Variants in THNSL1 observed in about 807,000 individuals in gnomAD.
The protein encoded by THNSL1 is threonine synthase like 1.
THNSL1 carries 48 observed loss-of-function variants against 50.4 expected under a neutral mutation model. That is an observed-to-expected ratio of 0.95 (90% confidence interval 0.76 to 1.21). The LOEUF (loss-of-function observed/expected upper bound fraction) is 1.21. Among genes scored for constraint, THNSL1 ranks in the 50% most tolerant of loss-of-function variants. THNSL1 has a pLI of 0.00. For missense variants in THNSL1, 896 were observed against 871.7 expected (o/e 1.03, Z -0.35); for synonymous variants, 309 against 306.1 (o/e 1.01, Z -0.10).
chr10:24,955,575 AC>A, the THNSL1 span, among the ~76,000 whole-genome samples: 1,087 of 152,302 alleles, frequency 7.1e-3, 16 homozygotes, highest in African/African-American at 0.025. Flanking sequence ...GATATTATTA[AC>A]CTGACATGCT....
intron 1 of THNSL1, among the ~76,000 whole-genome samples, chr10:25,018,840 G>T (rs557532212): frequency 2.0e-5 from 3 of 152,208 alleles, no homozygotes; most frequent in African/African-American, 7.2e-5. Context: ...ATTCGAGATC[G>T]TTAAGAATAT....
At chr10:24,981,097 A>C in the THNSL1 span, among the ~76,000 whole-genome samples, 1 of 152,200 alleles carries the variant, frequency 6.6e-6, no homozygotes, top group Non-Finnish European at 1.5e-5. Flanking sequence ...ATGGGGATTT[A>C]TTTAGCTGAG....
the THNSL1 span, among the ~76,000 whole-genome samples, chr10:24,972,522 A>AAAAAAAAAAAT: frequency 2.0e-5 from 3 of 150,070 alleles, no homozygotes; most frequent in African/African-American, 5.0e-5. Flanking sequence ...AAAAAAAAAT[A>AAAAAAAAAAAT]AATAATAATA....
the THNSL1 span, chr10:24,995,498 C>G: frequency 1.0e-5 from 7 of 691,454 alleles, no homozygotes; most frequent in African/African-American, 1.1e-4. Context: ...ACATTTGGAC[C>G]AAACACAGAT....
At chr10:24,987,364 C>T in the THNSL1 span, among the ~76,000 whole-genome samples, 6 of 152,116 alleles carry the variant, frequency 3.9e-5, no homozygotes, top group African/African-American at 1.4e-4. Flanking sequence ...TCTTCAGTGG[C>T]CACTGCTCAT....
At chr10:24,990,659 A>G in the THNSL1 span, 1 of 1,521,824 alleles carries the variant, frequency 6.6e-7, no homozygotes, top group Non-Finnish European at 8.9e-7. Context: ...ATGCAATCTT[A>G]CATATGGGTA....
In THNSL1 at chr10:25,023,268, G is replaced by C. The variant is rs1289588239; in HGVS notation, c.45G>C (p.Gln15His). Residue 15 changes from glutamine to histidine, a missense_variant, in exon 3 of 3, where the codon CAG (glutamine) becomes CAC (histidine). By Grantham distance (24) the Gln-to-His change is conservative (BLOSUM62 0). Coordinates refer to ENST00000376356, the MANE Select transcript of THNSL1 (RefSeq NM_024838.5). ...GTCATCATCTGAAAAAGATAACACA[G>C]AAATGTTTTTCTAGTATACATGTTA... Reference protein sequence around the residue: ...NRCHHLKKITQKCFSSIHVKT... With the variant: ...NRCHHLKKITHKCFSSIHVKT... 3.7e-6 allele frequency: 6 copies of C among 1,613,702 alleles called. No homozygotes were observed. Among genetic ancestry groups the C allele is most frequent in the Non-Finnish European group, 5.1e-6 (6 of 1,179,900 alleles).
the THNSL1 span, among the ~76,000 whole-genome samples, chr10:25,000,877 G>C: frequency 1.3e-5 from 2 of 151,744 alleles, no homozygotes; most frequent in Non-Finnish European, 2.9e-5. Context: ...GTTTGGTTTG[G>C]TTTTATGGAA....
At chr10:25,010,054 C>T in the THNSL1 span, among the ~76,000 whole-genome samples, 9 of 152,064 alleles carry the variant, frequency 5.9e-5, no homozygotes, top group African/African-American at 2.2e-4. Flanking sequence ...GGGTAACAGG[C>T]AGAGGTTGGA....
the THNSL1 span, among the ~76,000 whole-genome samples, chr10:24,972,131 G>A: frequency 6.6e-6 from 1 of 151,918 alleles, no homozygotes; most frequent in Admixed American, 6.6e-5. Flanking sequence ...GGTGGAGGTT[G>A]CAGTGAGCCA....
upstream of THNSL1, among the ~76,000 whole-genome samples, chr10:25,012,499 A>G (rs1450170276): frequency 6.6e-6 from 1 of 152,252 alleles, no homozygotes; most frequent in African/African-American, 2.4e-5. Flanking sequence ...CCAAGACCAT[A>G]GGATCCCACC....
the THNSL1 span, among the ~76,000 whole-genome samples, chr10:24,986,021 T>C: frequency 6.6e-6 from 1 of 152,130 alleles, no homozygotes. Flanking sequence ...TGAGCGATGA[T>C]TGCGCCACTG....
the THNSL1 span, among the ~76,000 whole-genome samples, chr10:24,960,116 G>C: frequency 1.3e-5 from 2 of 148,724 alleles, no homozygotes; most frequent in African/African-American, 5.0e-5. Flanking sequence ...CTTCTGAATA[G>C]CAAGAGAGAT....
In THNSL1 at chr10:25,024,915, A is replaced by G. The variant is rs765138642; in HGVS notation, c.1692A>G (p.Ile564Met). The G allele has an allele frequency of 1.2e-6, 2 of 1,613,910 alleles. No homozygotes were observed. Among genetic ancestry groups the G allele is most frequent in the Non-Finnish European group, 1.7e-6 (2 of 1,180,010 alleles). The change falls in exon 3 of 3, where the codon ATA becomes ATG. Residue 564 changes from isoleucine (I) to methionine (M), a missense_variant. Ile to Met is a conservative substitution (Grantham distance 10). Coordinates refer to ENST00000376356, the MANE Select transcript of THNSL1 (RefSeq NM_024838.5). ...TAGCACAAACCTTTTCACCGTCAATAGATATTCTCAAATCTTCAAACCTAG... is the reference window on the plus strand; with the variant it reads ...TAGCACAAACCTTTTCACCGTCAATGGATATTCTCAAATCTTCAAACCTAG... ...RKLAQTFSPS[I>M]DILKSSNLER...
At chr10:24,988,223 CA>C in the THNSL1 span, among the ~76,000 whole-genome samples, 2 of 128,588 alleles carry the variant, frequency 1.6e-5, no homozygotes, top group Non-Finnish European at 1.6e-5. Flanking sequence ...GACTTCATCT[CA>C]AAAAAAAATG....
At chr10:24,988,123 C>T in the THNSL1 span, among the ~76,000 whole-genome samples, 2 of 151,276 alleles carry the variant, frequency 1.3e-5, no homozygotes, top group East Asian at 3.9e-4. Context: ...ACTCGGGAGG[C>T]TGAGGCATGA....
the THNSL1 span, among the ~76,000 whole-genome samples, chr10:24,963,649 C>T: frequency 6.6e-6 from 1 of 152,000 alleles, no homozygotes; most frequent in Admixed American, 6.6e-5. Flanking sequence ...TCTTTTTCTT[C>T]TTGCAAAAGA....
chr10:24,960,751 C>A, the THNSL1 span, among the ~76,000 whole-genome samples: 1 of 146,504 alleles, frequency 6.8e-6, no homozygotes, highest in Non-Finnish European at 1.5e-5. Context: ...TGCACCCAGC[C>A]TATTTTTTGT....
At chr10:24,989,064 C>T in the THNSL1 span, among the ~76,000 whole-genome samples, 1 of 152,092 alleles carries the variant, frequency 6.6e-6, no homozygotes, top group Non-Finnish European at 1.5e-5. Context: ...CAAAAAGACA[C>T]AGAAGGGAAG....
Sources: gnomAD v4.1 joint callset for allele counts (sites outside exome capture counted in the v4.1 genomes callset) on GRCh38, gnomAD v4.1.1 for gene constraint, MANE v1.5 for transcripts, NCBI Gene and HGNC (gene_info 2026-07-23, HGNC 2026-07-21) for gene names.